PDLIM5: variants seen among roughly 807,000 people sequenced by gnomAD.
The protein encoded by PDLIM5 is PDZ and LIM domain protein 5.
Under a neutral mutation model 64.2 loss-of-function variants are expected in PDLIM5, and 34 were observed. The ratio of observed to expected loss-of-function variants is 0.53; its 90% CI spans 0.40 to 0.71. PDLIM5 has a LOEUF of 0.71. PDLIM5 is among the 30% of genes least tolerant of loss of function. PDLIM5 has a pLI of 0.00. For missense variants in PDLIM5, 683 were observed against 733.6 expected (o/e 0.93, Z 0.80); for synonymous variants, 253 against 269.1 (o/e 0.94, Z 0.59).
Position 94,664,627 on chromosome 4 carries a change from TGGGA to T in PDLIM5, c.*563_*566del. ...GCTCACGCCTGTAATCCCAGCACTTTGGGAGGCCAAGGTGGGTGGACCACATGAG... is the reference window on the plus strand; with the variant it reads ...GCTCACGCCTGTAATCCCAGCACTTTGGCCAAGGTGGGTGGACCACATGAG... On this transcript the variant is annotated 3_prime_UTR_variant, in exon 13 of 13. Coordinates refer to ENST00000317968, the MANE Select transcript of PDLIM5 (RefSeq NM_006457.5). 2.3e-6 allele frequency: 1 copy of T among 433,694 alleles called. No homozygotes were observed. The highest frequency in any genetic ancestry group is 3.1e-6 in the Non-Finnish European group (1 of 326,102). The allele number at this position is 433,694 out of a possible 1,614,324, so 26.9% of individuals were successfully genotyped here.
chr4:94,541,847 G>A (rs1469237196), intron 3 of PDLIM5, among the ~76,000 whole-genome samples: 2 of 152,292 alleles, frequency 1.3e-5, no homozygotes, highest in African/African-American at 4.8e-5. Context: ...CTGATGGATG[G>A]AATAAACTGC....
chr4:94,591,104 T>C (rs576879319), intron 7 of PDLIM5, among the ~76,000 whole-genome samples: 53 of 152,226 alleles, frequency 3.5e-4, no homozygotes, highest in Non-Finnish European at 6.9e-4. Flanking sequence ...GAAAACACTT[T>C]GGTGTATTAC....
At position 94,519,324 on chromosome 4, in the gene PDLIM5, G is replaced by C. The variant is rs1161173588; in HGVS notation, c.97-4400G>C. ...ATAAACAATAATATTGAGCATTTCC[G>C]GTGCATTTTGTGGTATGTGCTGTCC... On this transcript the variant is annotated intron_variant, in intron 2 of 12. Coordinates refer to ENST00000317968, the MANE Select transcript of PDLIM5 (RefSeq NM_006457.5). 3.9e-5 allele frequency among the ~76,000 whole-genome samples: 6 copies of C among 152,124 alleles called. No individual in the cohort carries two copies. The East Asian group carries it at 1.2e-3, about 29-fold the overall frequency.
intron 8 of PDLIM5, among the ~76,000 whole-genome samples, chr4:94,633,430 A>T (rs922392885): frequency 6.6e-6 from 1 of 152,222 alleles, no homozygotes; most frequent in African/African-American, 2.4e-5. Context: ...CTAAATGCTG[A>T]AACTGTCCCA....
intron 7 of PDLIM5, among the ~76,000 whole-genome samples, chr4:94,617,153 A>G (rs1209431834): frequency 2.0e-5 from 3 of 152,376 alleles, no homozygotes; most frequent in African/African-American, 7.2e-5. Context: ...ATAGTATTAT[A>G]TCATACCAAA....
chr4:94,452,504 T>C (rs1189223953), intron 1 of PDLIM5, among the ~76,000 whole-genome samples: 1 of 152,206 alleles, frequency 6.6e-6, no homozygotes. Flanking sequence ...CATTTATTTC[T>C]CCCCCAGATA....
At chr4:94,453,064 A>G (rs951284133) in intron 1 of PDLIM5, among the ~76,000 whole-genome samples, 8 of 152,148 alleles carry the variant, frequency 5.3e-5, no homozygotes, top group African/African-American at 1.9e-4. Context: ...CCACTAATGA[A>G]GCTGAGATAC....
intron 9 of PDLIM5, among the ~76,000 whole-genome samples, chr4:94,645,931 T>C (rs180913018): frequency 1.8e-4 from 27 of 152,234 alleles, no homozygotes; most frequent in Admixed American, 3.3e-4. Flanking sequence ...AGATAATAGA[T>C]AATAAACAAG....
intron 2 of PDLIM5, among the ~76,000 whole-genome samples, chr4:94,494,068 T>G (rs1247821827): frequency 6.6e-6 from 1 of 152,156 alleles, no homozygotes; most frequent in East Asian, 1.9e-4. Context: ...CAAGTGATCC[T>G]CCCACTTCAG....
chr4:94,584,056 G>T (rs1184476459), intron 5 of PDLIM5, among the ~76,000 whole-genome samples: 1 of 152,218 alleles, frequency 6.6e-6, no homozygotes, highest in Non-Finnish European at 1.5e-5. Context: ...CCAGTGTGCT[G>T]AGACAGTTTT....
rs536394948 is a variant in PDLIM5, at chr4:94,665,615, A to T, written c.*1548A>T. On this transcript the variant is annotated 3_prime_UTR_variant, in exon 13 of 13. Coordinates refer to ENST00000317968, the MANE Select transcript of PDLIM5 (RefSeq NM_006457.5). The stretch of plus-strand genomic sequence containing the variant: ...TTTTCTCAAATAATAAATTAGTTAA[A>T]TCAGTTTCTGAGTTATGCCACTGGC... 908 of 996,272 alleles carry T rather than the reference A, an allele frequency of 9.1e-4. No homozygotes were observed. The highest frequency in any genetic ancestry group is 1.0e-3 in the Non-Finnish European group (868 of 836,326). The allele number at this position is 996,272 out of a possible 1,614,324, so 61.7% of individuals were successfully genotyped here. A position where few individuals can be genotyped will look rare whatever the true frequency, so the allele number is the denominator to read the frequency against.
chr4:94,452,109 G>T (rs1305400197), intron 1 of PDLIM5, 114 bp downstream of exon 1: 1 of 152,400 alleles, frequency 6.6e-6, no homozygotes, highest in Non-Finnish European at 1.5e-5. Flanking sequence ...ACGAGGAGGG[G>T]GCGCTCCTCG....
intron 2 of PDLIM5, among the ~76,000 whole-genome samples, chr4:94,511,911 G>C (rs1384531104): frequency 6.6e-6 from 1 of 152,044 alleles, no homozygotes; most frequent in Non-Finnish European, 1.5e-5. Context: ...AATCTTGGCT[G>C]TTGTGAACAC....
At chr4:94,544,484 C>T (rs1383516199) in intron 3 of PDLIM5, among the ~76,000 whole-genome samples, 2 of 152,146 alleles carry the variant, frequency 1.3e-5, no homozygotes, top group Admixed American at 1.3e-4. Flanking sequence ...AAGAGCGGTA[C>T]ATATTCTTAT....
chr4:94,524,027 A>G (rs941702777), intron 3 of PDLIM5, 152 bp downstream of exon 3: 4 of 564,688 alleles, frequency 7.1e-6, no homozygotes, highest in Middle Eastern at 4.3e-4. Context: ...TGGATAATTA[A>G]GCAGCAAGAG....
Position 94,665,911 on chromosome 4 carries a change from A to G in PDLIM5, c.*1844A>G, listed in dbSNP as rs1743058311. ...TCCTCCTTTGGGAAAAGAATTATGT[A>G]GATACCACATGGAGACAGGGAAACA... On this transcript the variant is annotated 3_prime_UTR_variant, in exon 13 of 13. Coordinates refer to ENST00000317968, the MANE Select transcript of PDLIM5 (RefSeq NM_006457.5). The G allele has an allele frequency of 1.3e-6, 2 of 1,484,222 alleles. No homozygotes were observed. The highest frequency in any genetic ancestry group is 2.4e-5 in the Admixed American group (1 of 41,646). The allele number at this position is 1,484,222 out of a possible 1,614,324, so 91.9% of individuals were successfully genotyped here. A position where few individuals can be genotyped will look rare whatever the true frequency, so the allele number is the denominator to read the frequency against.
chr4:94,665,990 C>T lies in PDLIM5; in HGVS notation c.*1923C>T, dbSNP rs1743064739. 1 of 1,532,266 alleles carries T rather than the reference C, an allele frequency of 6.5e-7. No homozygotes were observed. The highest frequency in any genetic ancestry group is 1.4e-5 in the African/African-American group (1 of 72,920). 94.9% of individuals were successfully genotyped at this position (1,532,266 alleles called of 1,614,324 possible). A position where few individuals can be genotyped will look rare whatever the true frequency, so the allele number is the denominator to read the frequency against. On this transcript the variant is annotated 3_prime_UTR_variant, in exon 13 of 13. Coordinates refer to ENST00000317968, the MANE Select transcript of PDLIM5 (RefSeq NM_006457.5). ...TATTTGCCCAGTGAGAAAACAGATT[C>T]TGGTATTTGATTTGGTTTTTCTCTT...
chr4:94,636,284 T>G (rs999619021), intron 8 of PDLIM5, among the ~76,000 whole-genome samples: 1 of 152,124 alleles, frequency 6.6e-6, no homozygotes, highest in Non-Finnish European at 1.5e-5. Context: ...AGGCATATGG[T>G]AGATGAAAGG....
chr4:94,608,048 T>C, intron 7 of PDLIM5: 1 of 1,522,248 alleles, frequency 6.6e-7, no homozygotes. Flanking sequence ...ATTTTACTTC[T>C]GAAAACTTAG....
Sources: allele counts gnomAD v4.1 joint callset (sites outside exome capture counted in the v4.1 genomes callset), GRCh38; gene constraint gnomAD v4.1.1; transcripts MANE v1.5; gene names NCBI Gene and HGNC (gene_info 2026-07-23, HGNC 2026-07-21).